Variants in EPHB1 observed in about 807,000 individuals in gnomAD.
EPHB1 encodes the protein EPH receptor B1.
Under a neutral mutation model 94.4 loss-of-function variants are expected in EPHB1, and 30 were observed. The observed-to-expected ratio is 0.32, with a 90% CI of 0.24 to 0.43. The LOEUF is 0.43. Ranked by LOEUF, EPHB1 falls within the 20% of genes least tolerant of loss-of-function variation. The probability of loss-of-function intolerance (pLI) is 1.00; values close to 1 mark genes in which losing one functional copy is unlikely to be tolerated. For synonymous variants in EPHB1, 522 were observed against 489.1 expected (o/e 1.07, Z -0.89); for missense variants, 1,055 against 1,308.3 (o/e 0.81, Z 2.99).
At chr3:135,215,838 A>C (rs1943138506) in intron 12 of EPHB1, among the ~76,000 whole-genome samples, 1 of 152,158 alleles carries the variant, frequency 6.6e-6, no homozygotes, top group Non-Finnish European at 1.5e-5. Flanking sequence ...TTCCCAGATG[A>C]TGCCGATCCT....
chr3:135,084,584 CCATT>C (rs1239300337), intron 3 of EPHB1, among the ~76,000 whole-genome samples: 7 of 152,282 alleles, frequency 4.6e-5, no homozygotes, highest in African/African-American at 1.7e-4. Context: ...TCTAATCTAA[CCATT>C]CATTTCACAG....
At chr3:135,098,183 G>A (rs1378179783) in intron 3 of EPHB1, among the ~76,000 whole-genome samples, 1 of 152,168 alleles carries the variant, frequency 6.6e-6, no homozygotes, top group Non-Finnish European at 1.5e-5. Context: ...TCATATTTTT[G>A]TGTCCTCTGC....
intron 12 of EPHB1, among the ~76,000 whole-genome samples, chr3:135,205,480 T>C (rs1474019531): frequency 6.6e-6 from 1 of 152,234 alleles, no homozygotes; most frequent in East Asian, 1.9e-4. Flanking sequence ...GTTACCTGGT[T>C]TATTTTAAAA....
chr3:135,178,225 G>GT lies in EPHB1; in HGVS notation c.1760-1635_1760-1634insT, dbSNP rs1559863058. The stretch of plus-strand genomic sequence containing the variant: ...TCCCAGCACTTTGGGAGGCCGGGGA[G>GT]GGGGGGTGGATCATGAGGTCGGGAG... On this transcript the variant is annotated intron_variant, in intron 9 of 15. Transcript: ENST00000398015. Among the ~76,000 whole-genome samples, 3 of 48,360 alleles carry GT rather than the reference G, an allele frequency of 6.2e-5. 1 individual carries two copies. The highest frequency in any genetic ancestry group is 2.1e-3 in the East Asian group (1 of 486). The allele number at this position is 48,360 out of a possible 152,430, so 31.7% of individuals were successfully genotyped here.
intron 3 of EPHB1, among the ~76,000 whole-genome samples, chr3:135,095,606 C>T (rs1938728171): frequency 6.6e-6 from 1 of 152,198 alleles, no homozygotes; most frequent in Admixed American, 6.5e-5. Context: ...AAGCCATGGG[C>T]CGAGTGGGTG....
At chr3:135,113,526 G>T (rs1025404318) in intron 4 of EPHB1, among the ~76,000 whole-genome samples, 9 of 152,172 alleles carry the variant, frequency 5.9e-5, no homozygotes, top group African/African-American at 2.2e-4. Flanking sequence ...AACCCCGAGA[G>T]GCAGAGGCGG....
At chr3:134,990,540 A>C (rs1934758043) in intron 3 of EPHB1, among the ~76,000 whole-genome samples, 1 of 152,098 alleles carries the variant, frequency 6.6e-6, no homozygotes, top group Non-Finnish European at 1.5e-5. Flanking sequence ...AAACTCTATC[A>C]ATTATTTAGC....
chr3:134,839,969 G>A (rs1014685236), intron 1 of EPHB1, among the ~76,000 whole-genome samples: 6 of 152,190 alleles, frequency 3.9e-5, no homozygotes, highest in African/African-American at 1.4e-4. Flanking sequence ...CCACAATGAG[G>A]TCCTGGGACA....
intron 3 of EPHB1, among the ~76,000 whole-genome samples, chr3:134,973,423 G>GTT (rs1559778175): frequency 1.1e-5 from 1 of 93,308 alleles, no homozygotes; most frequent in African/African-American, 5.2e-5. Flanking sequence ...CTGTCTTCTA[G>GTT]TCTTTTTTTT....
intron 1 of EPHB1, among the ~76,000 whole-genome samples, chr3:134,910,319 C>T (rs115775293): frequency 0.016 from 2,398 of 152,280 alleles, 63 homozygotes; most frequent in African/African-American, 0.055. Context: ...GTCATCATGC[C>T]TGTTTGCCCC....
intron 3 of EPHB1, among the ~76,000 whole-genome samples, chr3:135,075,222 C>T (rs1190108536): frequency 2.6e-5 from 4 of 152,146 alleles, no homozygotes; most frequent in East Asian, 1.9e-4. Context: ...GTCAATGTTG[C>T]GCTTTCTGGA....
At chr3:134,995,382 C>T (rs919039728) in intron 3 of EPHB1, among the ~76,000 whole-genome samples, 2 of 152,142 alleles carry the variant, frequency 1.3e-5, no homozygotes, top group African/African-American at 4.8e-5. Context: ...CAGATTGCTT[C>T]ACCATTCATC....
In EPHB1 at chr3:135,201,468, T is replaced by C. The variant is rs1942753635; in HGVS notation, c.2131-6T>C. On this transcript the variant is annotated splice_polypyrimidine_tract_variant and splice_region_variant and intron_variant, in intron 11 of 15. Transcript: ENST00000398015. ...TGATCCCAATGCCCTCTATGTCTTATTACAGCAAAATGACGGGCAGTTCAC... is the reference window on the plus strand; with the variant it reads ...TGATCCCAATGCCCTCTATGTCTTACTACAGCAAAATGACGGGCAGTTCAC... 1.2e-6 allele frequency: 2 copies of C among 1,613,926 alleles called. No homozygotes were observed. The highest frequency in any genetic ancestry group is 4.5e-5 in the East Asian group (2 of 44,852).
intron 1 of EPHB1, among the ~76,000 whole-genome samples, chr3:134,877,480 T>C (rs2037640560): frequency 6.6e-6 from 1 of 152,184 alleles, no homozygotes; most frequent in African/African-American, 2.4e-5. Flanking sequence ...GGCCTCCATA[T>C]TCAACCAGTT....
chr3:135,198,507 A>C lies in EPHB1; in HGVS notation c.2131-2967A>C, dbSNP rs558778773. 4.5e-4 allele frequency among the ~76,000 whole-genome samples: 68 copies of C among 152,232 alleles called. No homozygotes were observed. In the Middle Eastern group the frequency reaches 0.01, roughly 23 times the overall value. On this transcript the variant is annotated intron_variant, in intron 11 of 15. Coordinates refer to ENST00000398015, the MANE Select transcript of EPHB1 (RefSeq NM_004441.5). ...CATTAGGTCCCAACCATCTCCTACA[A>C]TTACAGGTGCCTATCTGTTACCTGC...
intron 3 of EPHB1, among the ~76,000 whole-genome samples, chr3:134,965,326 C>T (rs1296047364): frequency 6.6e-6 from 1 of 152,234 alleles, no homozygotes; most frequent in Non-Finnish European, 1.5e-5. Context: ...ACTGCTTCCA[C>T]CTTGCAGGAT....
rs140905955 is a variant in EPHB1, at chr3:135,129,273, A to T, written c.962-3441A>T. Among the ~76,000 whole-genome samples the T allele has an allele frequency of 4.6e-3, 696 of 152,214 alleles. 6 individuals carry two copies. Among genetic ancestry groups the T allele is most frequent in the African/African-American group, 0.016 (657 of 41,524 alleles). On this transcript the variant is annotated intron_variant, in intron 4 of 15. Transcript: ENST00000398015. ...GCTGGGAGTAAATGAACAGACATGG[A>T]GCAGCATCGACAAGGGTGGGTCTTC...
chr3:134,870,195 G>C (rs1016546162), intron 1 of EPHB1, among the ~76,000 whole-genome samples: 4 of 152,146 alleles, frequency 2.6e-5, no homozygotes, highest in African/African-American at 9.7e-5. Context: ...CCTGAGGTGA[G>C]CCAAAGTCCA....
rs767255002 is a variant in EPHB1 at position 135,154,236 on chromosome 3, A to G, written c.1382A>G (p.Asn461Ser). Reference sequence around the variant, plus strand: ...TCATGGCCACAGCCGGAGCAGCCCAATGGCATCATCCTGGACTATGAGATC... The same window carrying G: ...TCATGGCCACAGCCGGAGCAGCCCAGTGGCATCATCCTGGACTATGAGATC... ...TLSWPQPEQP[N>S]GIILDYEIRY... Residue 461 changes from asparagine (N) to serine (S), a missense_variant, in exon 6 of 16, where the codon AAT (asparagine) becomes AGT (serine). Asn to Ser is a conservative substitution (Grantham distance 46). Transcript: ENST00000398015. 3.5e-5 allele frequency: 57 copies of G among 1,613,864 alleles called. No homozygotes were observed. In the Admixed American group the frequency reaches 8.8e-4, roughly 25 times the overall value.
Sources: allele counts gnomAD v4.1 joint callset (sites outside exome capture counted in the v4.1 genomes callset), GRCh38; gene constraint gnomAD v4.1.1; transcripts MANE v1.5; gene names NCBI Gene and HGNC (gene_info 2026-07-23, HGNC 2026-07-21).